The following SRBD1 variants were observed in gnomAD, a reference collection of about 807,000 sequenced individuals.
The protein encoded by SRBD1 is S1 RNA-binding domain-containing protein 1.
SRBD1 carries 88 observed loss-of-function variants against 115.3 expected under a neutral mutation model. The ratio of observed to expected loss-of-function variants is 0.76; its 90% CI spans 0.64 to 0.91. SRBD1 has a LOEUF of 0.91. Among genes scored for constraint, SRBD1 ranks in the 40% least tolerant of loss-of-function variants. SRBD1 has a pLI of 0.00. For synonymous variants in SRBD1, 509 were observed against 407.7 expected, an observed-to-expected ratio of 1.25 and a Z score of -2.99; for missense variants, 1,385 against 1,177.4, an observed-to-expected ratio of 1.18 and a Z score of -2.58.
chr2:45,537,761 G>A (rs189985261), intron 14 of SRBD1, among the ~76,000 whole-genome samples: 24 of 152,230 alleles, frequency 1.6e-4, no homozygotes, highest in Middle Eastern at 6.8e-3. Flanking sequence ...AGTGGAAGGC[G>A]CTTTACTGGG....
chr2:45,603,214 T>TTA (rs1288406293), intron 2 of SRBD1, among the ~76,000 whole-genome samples: 1 of 152,222 alleles, frequency 6.6e-6, no homozygotes, highest in Admixed American at 6.5e-5. Flanking sequence ...GGCCCTTTAG[T>TTA]TATTATGAAC....
At chr2:45,568,296 G>C (rs949897417) in intron 9 of SRBD1, among the ~76,000 whole-genome samples, 12 of 152,184 alleles carry the variant, frequency 7.9e-5, no homozygotes, top group Non-Finnish European at 1.8e-4. Context: ...TACTTGGAGA[G>C]AGTTCCACAG....
chr2:45,402,685 TA>T (rs1433479805), intron 19 of SRBD1, among the ~76,000 whole-genome samples: 1 of 152,218 alleles, frequency 6.6e-6, no homozygotes, highest in Non-Finnish European at 1.5e-5. Context: ...AATTTCCTGA[TA>T]TTTTTCAAGT....
rs752317761 is a variant in SRBD1 at position 45,599,721 on chromosome 2, T to A, written c.376A>T (p.Thr126Ser). 2 of 1,614,248 alleles carry A rather than the reference T, an allele frequency of 1.2e-6. No individual in the cohort carries two copies. The highest frequency in any genetic ancestry group is 1.7e-6 in the Non-Finnish European group (2 of 1,180,050). ...TKQKCAAQPH[T>S]VRRTKKLKVE... ...TTCAGCTTTTTAGTCCTTCGAACTG[T>A]ATGTGGCTGCGCTGCACATTTCTGT... Residue 126 changes from threonine (T) to serine (S), a missense_variant, in exon 4 of 21, where the codon ACA becomes TCA. Thr to Ser is a moderately conservative substitution (Grantham distance 58). Transcript: ENST00000263736.
chr2:45,596,027 A>G (rs1225026168), intron 4 of SRBD1, among the ~76,000 whole-genome samples: 2 of 152,224 alleles, frequency 1.3e-5, no homozygotes, highest in Non-Finnish European at 2.9e-5. Context: ...CTTGGAATTA[A>G]AAGGAAAATC....
intron 15 of SRBD1, among the ~76,000 whole-genome samples, chr2:45,485,595 A>G (rs966604383): frequency 1.3e-5 from 2 of 152,208 alleles, no homozygotes; most frequent in African/African-American, 2.4e-5. Context: ...ATATAAGCAT[A>G]TATATAGAAG....
intron 18 of SRBD1, among the ~76,000 whole-genome samples, chr2:45,414,755 CACAGTGTGT>C (rs1667738961): frequency 5.2e-5 from 6 of 115,790 alleles, no homozygotes; most frequent in Admixed American, 2.8e-4. Context: ...TGTACACACA[CACAGTGTGT>C]ATATAGTATG....
At chr2:45,495,576 T>C (rs1670431560) in intron 14 of SRBD1, among the ~76,000 whole-genome samples, 1 of 152,022 alleles carries the variant, frequency 6.6e-6, no homozygotes. Flanking sequence ...CATAAAGTTG[T>C]TGCCATACCA....
At chr2:45,569,647 C>T (rs1672949297) in intron 9 of SRBD1, among the ~76,000 whole-genome samples, 1 of 152,096 alleles carries the variant, frequency 6.6e-6, no homozygotes, top group South Asian at 2.1e-4. Context: ...TTGAAAAACA[C>T]TGGCAGTTTC....
rs142393461 is a variant in SRBD1, at chr2:45,575,660, G to A, written c.1073-937C>T. On this transcript the variant is annotated intron_variant, in intron 7 of 20. Coordinates refer to ENST00000263736, the MANE Select transcript of SRBD1 (RefSeq NM_018079.5). Reference sequence around the variant, plus strand: ...TAGGATAGCTATGTTACCTACTGAAGTAATTATGTTTACAGTTGACCTTTA... The same window carrying A: ...TAGGATAGCTATGTTACCTACTGAAATAATTATGTTTACAGTTGACCTTTA... Among the ~76,000 whole-genome samples, 50 of 152,272 alleles carry A rather than the reference G, an allele frequency of 3.3e-4. No homozygotes were observed. In the South Asian group the frequency reaches 6.0e-3, roughly 18 times the overall value.
At chr2:45,481,501 G>A (rs528389357) in intron 15 of SRBD1, among the ~76,000 whole-genome samples, 3 of 152,162 alleles carry the variant, frequency 2.0e-5, no homozygotes, top group East Asian at 1.9e-4. Context: ...AAGAAAAGGA[G>A]GAAGTAATGA....
intron 4 of SRBD1, among the ~76,000 whole-genome samples, chr2:45,595,403 C>T (rs6722097): frequency 0.79 from 120,700 of 152,218 alleles, 48,699 homozygotes; most frequent in African/African-American, 0.92. Context: ...TTAAGTTTCA[C>T]AACCATTCCT....
intron 1 of SRBD1, among the ~76,000 whole-genome samples, chr2:45,607,696 T>C (rs911666936): frequency 2.0e-4 from 30 of 152,272 alleles, no homozygotes; most frequent in Admixed American, 8.5e-4. Context: ...GTTAGGGCTG[T>C]GTATAAACTG....
intron 16 of SRBD1, among the ~76,000 whole-genome samples, chr2:45,443,098 T>C (rs1259848114): frequency 6.6e-6 from 1 of 152,182 alleles, no homozygotes; most frequent in Non-Finnish European, 1.5e-5. Context: ...TTGAATTTTA[T>C]TCCAGAGACA....
At chr2:45,543,809 T>C (rs1045808895) in intron 14 of SRBD1, among the ~76,000 whole-genome samples, 1 of 151,980 alleles carries the variant, frequency 6.6e-6, no homozygotes, top group Non-Finnish European at 1.5e-5. Flanking sequence ...GTAAGTAGAG[T>C]TAAATCAGAA....
intron 8 of SRBD1, among the ~76,000 whole-genome samples, chr2:45,573,664 G>C (rs747297703): frequency 5.3e-5 from 8 of 152,064 alleles, no homozygotes; most frequent in Non-Finnish European, 7.4e-5. Flanking sequence ...CTAAATATCA[G>C]ACTTTTCTAA....
At chr2:45,489,593 C>T (rs536337548) in intron 14 of SRBD1, among the ~76,000 whole-genome samples, 1 of 152,236 alleles carries the variant, frequency 6.6e-6, no homozygotes, top group South Asian at 2.1e-4. Flanking sequence ...GCTGCTTATC[C>T]TGTTTTTCAT....
chr2:45,599,580 C>T lies in SRBD1; in HGVS notation c.517G>A (p.Asp173Asn), dbSNP rs1488196601. 1.2e-6 allele frequency: 2 copies of T among 1,614,072 alleles called. No individual in the cohort carries two copies. The highest frequency in any genetic ancestry group is 1.3e-5 in the African/African-American group (1 of 74,920). Residue 173 changes from aspartate to asparagine, a missense_variant, in exon 4 of 21, where the codon GAC becomes AAC. By Grantham distance (23) the Asp-to-Asn change is conservative. Coordinates refer to ENST00000263736, the MANE Select transcript of SRBD1 (RefSeq NM_018079.5). Reference protein sequence around the residue: ...GTCKKEENDDDFTFGQSALKK... With the variant: ...GTCKKEENDDNFTFGQSALKK... ...AAAGCGGACTGACCAAATGTAAAGTCATCGTCATTCTCTTCCTTCTTGCAT... is the reference window on the plus strand; with the variant it reads ...AAAGCGGACTGACCAAATGTAAAGTTATCGTCATTCTCTTCCTTCTTGCAT...
intron 14 of SRBD1, among the ~76,000 whole-genome samples, chr2:45,501,671 C>A (rs1670635133): frequency 6.6e-6 from 1 of 152,178 alleles, no homozygotes; most frequent in South Asian, 2.1e-4. Flanking sequence ...GGGTCCCACA[C>A]CCACAGAGCC....
Sources: allele counts gnomAD v4.1 joint callset (sites outside exome capture counted in the v4.1 genomes callset), GRCh38; gene constraint gnomAD v4.1.1; transcripts MANE v1.5; gene names NCBI Gene and HGNC (gene_info 2026-07-23, HGNC 2026-07-21).